BCAS3: variants seen among roughly 807,000 people sequenced by gnomAD.
BCAS3 encodes BCAS4/BCAS3 fusion.
A neutral mutation model predicts 116.1 loss-of-function variants in BCAS3; 53 were observed. The observed-to-expected ratio is 0.46, with a 90% CI of 0.37 to 0.57. The LOEUF (loss-of-function observed/expected upper bound fraction) is 0.57, where lower values mean the gene tolerates loss of function less well. Ranked by LOEUF, BCAS3 falls within the 20% of genes least tolerant of loss-of-function variation. The pLI is 0.00. For missense variants in BCAS3, 917 were observed against 1,165.4 expected, an observed-to-expected ratio of 0.79 and a Z score of 3.10; for synonymous variants, 391 against 408.2, an observed-to-expected ratio of 0.96 and a Z score of 0.51.
Position 60,787,585 on chromosome 17 carries a change from A to G in BCAS3, c.404-20419A>G, listed in dbSNP as rs140945517. ...GAGCAAATAAGTAAATCAACAGTAT[A>G]TAATGTGCACAATATGAGGTTCTGT... On this transcript the variant is annotated intron_variant, in intron 6 of 23. Coordinates refer to ENST00000407086, the MANE Select transcript of BCAS3 (RefSeq NM_017679.5). 2.3e-3 allele frequency among the ~76,000 whole-genome samples: 353 copies of G among 152,290 alleles called. 3 individuals carry two copies. The highest frequency in any genetic ancestry group is 8.2e-3 in the African/African-American group (340 of 41,566).
chr17:61,191,173 G>A (rs1184900575), intron 22 of BCAS3, among the ~76,000 whole-genome samples: 2 of 152,092 alleles, frequency 1.3e-5, no homozygotes, highest in Non-Finnish European at 2.9e-5. Context: ...GGCTGATGTG[G>A]GAGGACTGCT....
chr17:60,691,752 A>G (rs953081399), intron 4 of BCAS3, among the ~76,000 whole-genome samples: 4 of 151,510 alleles, frequency 2.6e-5, no homozygotes, highest in Non-Finnish European at 4.4e-5. Flanking sequence ...ATCCACGATG[A>G]GAAAGTCTGA....
intron 22 of BCAS3, among the ~76,000 whole-genome samples, chr17:61,177,476 A>G (rs369769329): frequency 2.0e-5 from 3 of 152,240 alleles, no homozygotes; most frequent in Non-Finnish European, 2.9e-5. Flanking sequence ...CTTCATTTTT[A>G]TAATGTGCTA....
rs1372863963 is a variant in BCAS3, at chr17:61,367,252, A to C, written c.2426-1075A>C. On this transcript the variant is annotated intron_variant, in intron 22 of 23. Transcript: ENST00000407086. The surrounding 1 kb of genome is among the most constrained non-coding windows in gnomAD (Gnocchi z 6.2). ...ATGCTGGCAGGAACCAAGCCCAATA[A>C]ATGCAGTGGATTCAGTTACCTAATC... Among the ~76,000 whole-genome samples the C allele has an allele frequency of 2.0e-5, 3 of 152,230 alleles. No individual in the cohort carries two copies. Among genetic ancestry groups the C allele is most frequent in the Non-Finnish European group, 4.4e-5 (3 of 68,048 alleles).
At chr17:61,350,070 G>A (rs1213836894) in intron 22 of BCAS3, among the ~76,000 whole-genome samples, 1 of 152,218 alleles carries the variant, frequency 6.6e-6, no homozygotes, top group African/African-American at 2.4e-5. Context: ...AGAAAACTCA[G>A]GAATGTGCCT....
intron 23 of BCAS3, chr17:61,389,375 G>C (rs543709940): frequency 3.9e-5 from 6 of 152,818 alleles, no homozygotes; most frequent in African/African-American, 1.4e-4. Context: ...GTTGGCGGCA[G>C]GTCATGGAGG....
chr17:60,911,274 C>T (rs1301910019), intron 12 of BCAS3, among the ~76,000 whole-genome samples: 1 of 151,272 alleles, frequency 6.6e-6, no homozygotes, highest in African/African-American at 2.4e-5. Flanking sequence ...AGGCATGTGC[C>T]ACCACACCCA....
intron 6 of BCAS3, among the ~76,000 whole-genome samples, chr17:60,794,280 G>A (rs1468718152): frequency 9.2e-5 from 14 of 152,094 alleles, no homozygotes; most frequent in Admixed American, 7.9e-4. Flanking sequence ...ATTGGTTTGA[G>A]TTCGTTGTAG....
chr17:61,004,310 TG>T lies in BCAS3; in HGVS notation c.1487-11438del, dbSNP rs558518176. 6.6e-5 allele frequency among the ~76,000 whole-genome samples: 10 copies of T among 152,198 alleles called. No homozygotes were observed. Among genetic ancestry groups the T allele is most frequent in the Admixed American group, 1.3e-4 (2 of 15,280 alleles). ...TGCAAATGGGTAGAACAACAAATTT[TG>T]GGAAAAGAAGTGAATGTTCATTTCC... On this transcript the variant is annotated intron_variant, in intron 15 of 23. Coordinates refer to ENST00000407086, the MANE Select transcript of BCAS3 (RefSeq NM_017679.5). The surrounding 1 kb of genome is among the most constrained non-coding windows in gnomAD (Gnocchi z 4.8).
chr17:61,360,010 C>CTTT lies in BCAS3; in HGVS notation c.2426-8305_2426-8303dup, dbSNP rs372435627. 3.8e-4 allele frequency among the ~76,000 whole-genome samples: 54 copies of CTTT among 140,536 alleles called. 2 individuals are homozygous for CTTT. The highest frequency in any genetic ancestry group is 3.7e-3 in the Middle Eastern group (1 of 268). The allele number at this position is 140,536 out of a possible 152,430, so 92.2% of individuals were successfully genotyped here. On this transcript the variant is annotated intron_variant, in intron 22 of 23. Coordinates refer to ENST00000407086, the MANE Select transcript of BCAS3 (RefSeq NM_017679.5). ...AAAACAGTGGCCTCCCATAACTTTT[C>CTTT]TTTTTTTTTTTTTTGAGACAGAGTC...
intron 6 of BCAS3, among the ~76,000 whole-genome samples, chr17:60,777,680 C>T (rs1405869828): frequency 6.6e-6 from 1 of 151,978 alleles, no homozygotes; most frequent in Non-Finnish European, 1.5e-5. Context: ...TTCTCATTCT[C>T]ACCCTCTCTC....
At chr17:60,851,211 T>G (rs1046088936) in intron 7 of BCAS3, among the ~76,000 whole-genome samples, 2 of 152,198 alleles carry the variant, frequency 1.3e-5, no homozygotes, top group African/African-American at 4.8e-5. Context: ...ACTAAAAAAC[T>G]CTTAAACCTG....
intron 6 of BCAS3, among the ~76,000 whole-genome samples, chr17:60,791,534 G>A (rs1183149188): frequency 6.6e-6 from 1 of 151,620 alleles, no homozygotes; most frequent in Non-Finnish European, 1.5e-5. Context: ...CATGTCTGTA[G>A]TACTAGCTGA....
chr17:61,199,999 C>G lies in BCAS3; in HGVS notation c.2425+115435C>G, dbSNP rs2080729238. The stretch of plus-strand genomic sequence containing the variant: ...CCTTGTTATATAAGGAAATTGGAAA[C>G]ACCAATTTTGGATGAGATAAGTTAC... On this transcript the variant is annotated intron_variant, in intron 22 of 23. Transcript: ENST00000407086. The surrounding 1 kb of genome is among the most constrained non-coding windows in gnomAD (Gnocchi z 4.6). Among the ~76,000 whole-genome samples, 1 of 152,148 alleles carries G rather than the reference C, an allele frequency of 6.6e-6. No individual in the cohort carries two copies.
chr17:61,183,837 C>T (rs2079615062), intron 22 of BCAS3, among the ~76,000 whole-genome samples: 1 of 152,244 alleles, frequency 6.6e-6, no homozygotes, highest in Non-Finnish European at 1.5e-5. Context: ...AAGAAATTTA[C>T]ATTACCCAGG....
chr17:60,794,611 C>A (rs1312774194), intron 6 of BCAS3, among the ~76,000 whole-genome samples: 2 of 152,134 alleles, frequency 1.3e-5, no homozygotes, highest in Admixed American at 1.3e-4. Flanking sequence ...CAGTTTCATT[C>A]TCCTACAGGT....
At chr17:60,926,719 A>G (rs540857315) in intron 13 of BCAS3, among the ~76,000 whole-genome samples, 15 of 152,162 alleles carry the variant, frequency 9.9e-5, no homozygotes, top group East Asian at 1.9e-4. Flanking sequence ...TGTATATTTC[A>G]TATAACCCTA....
At chr17:60,914,112 C>T (rs1237837280) in intron 12 of BCAS3, among the ~76,000 whole-genome samples, 5 of 152,040 alleles carry the variant, frequency 3.3e-5, no homozygotes, top group Non-Finnish European at 5.9e-5. Context: ...AAGGCTTATC[C>T]ACCTTGTATC....
In BCAS3 at chr17:61,037,843, C is replaced by A; in HGVS notation, c.1763-46C>A. On this transcript the variant is annotated intron_variant, in intron 17 of 23. Transcript: ENST00000407086. The surrounding 1 kb of genome is among the most constrained non-coding windows in gnomAD (Gnocchi z 4.7). Reference sequence around the variant, plus strand: ...AACTTGTAAAAATTATTCTGTGCTCCATTTATGCCATCATAACACATCGGG... The same window carrying A: ...AACTTGTAAAAATTATTCTGTGCTCAATTTATGCCATCATAACACATCGGG... The A allele has an allele frequency of 6.5e-7, 1 of 1,543,816 alleles. No homozygotes were observed.
Sources: gnomAD v4.1 joint callset for allele counts (sites outside exome capture counted in the v4.1 genomes callset) on GRCh38, gnomAD v4.1.1 for gene constraint, Gnocchi (gnomAD v3.1) non-coding constraint, MANE v1.5 for transcripts, NCBI Gene and HGNC (gene_info 2026-07-23, HGNC 2026-07-21) for gene names.